ANKS4B: variants seen among roughly 807,000 people sequenced by gnomAD.
ANKS4B encodes ankyrin repeat and SAM domain-containing protein 4B.
Under a neutral mutation model 20.2 loss-of-function variants are expected in ANKS4B, and 21 were observed. The ratio of observed to expected loss-of-function variants is 1.04; its 90% CI spans 0.74 to 1.50. The LOEUF (loss-of-function observed/expected upper bound fraction) is 1.50. Ranked by LOEUF, ANKS4B falls within the 40% of genes most tolerant of loss-of-function variation. The pLI is 0.00. For synonymous variants in ANKS4B, 179 were observed against 194.5 expected, an observed-to-expected ratio of 0.92 and a Z score of 0.66; for missense variants, 473 against 494.6, an observed-to-expected ratio of 0.96 and a Z score of 0.41.
At chr16:21,237,113 C>T (rs12926970) in intron 1 of ANKS4B, among the ~76,000 whole-genome samples, 56,164 of 151,766 alleles carry the variant, frequency 0.37, 11,055 homozygotes, top group Admixed American at 0.49. Context: ...CTCCACCTCT[C>T]GGGTTTGAGC....
At chr16:21,237,081 C>T (rs538577472) in intron 1 of ANKS4B, among the ~76,000 whole-genome samples, 20 of 152,138 alleles carry the variant, frequency 1.3e-4, no homozygotes, top group African/African-American at 4.8e-4. Context: ...AGTGCAGTAG[C>T]GTGATCTTGG....
In ANKS4B at chr16:21,252,665, T is replaced by C. The variant is rs548439005; in HGVS notation, c.*1845T>C. 1.3e-5 allele frequency: 2 copies of C among 152,376 alleles called. No homozygotes were observed. The highest frequency in any genetic ancestry group is 3.9e-4 in the East Asian group (2 of 5,194). 9.4% of individuals were successfully genotyped at this position (152,376 alleles called of 1,614,324 possible). On this transcript the variant is annotated 3_prime_UTR_variant, in exon 2 of 2. Coordinates refer to ENST00000311620, the MANE Select transcript of ANKS4B (RefSeq NM_145865.3). ...AGGAAATTTCACATTTTCATGCTTATTATGTACACATGGTTTATTTACTGT... is the reference window on the plus strand; with the variant it reads ...AGGAAATTTCACATTTTCATGCTTACTATGTACACATGGTTTATTTACTGT...
chr16:21,249,717 T>C lies in ANKS4B; in HGVS notation c.165-14T>C, dbSNP rs781104530. On this transcript the variant is annotated splice_polypyrimidine_tract_variant and intron_variant, in intron 1 of 1. Coordinates refer to ENST00000311620, the MANE Select transcript of ANKS4B (RefSeq NM_145865.3). ...AAGTCCAACATGTATTTTTTTTCTCTCTCTCTCTTCTAGAGGGGACCCTGA... is the reference window on the plus strand; with the variant it reads ...AAGTCCAACATGTATTTTTTTTCTCCCTCTCTCTTCTAGAGGGGACCCTGA... 3 of 1,560,408 alleles carry C rather than the reference T, an allele frequency of 1.9e-6. No homozygotes were observed. The highest frequency in any genetic ancestry group is 2.6e-6 in the Non-Finnish European group (3 of 1,151,512).
chr16:21,245,496 CAG>C (rs777592954), intron 1 of ANKS4B, among the ~76,000 whole-genome samples: 10 of 151,780 alleles, frequency 6.6e-5, no homozygotes, highest in Non-Finnish European at 1.0e-4. Flanking sequence ...TTTTTTGAGA[CAG>C]AGTCTCACTT....
At chr16:21,240,583 C>T (rs2093325330) in intron 1 of ANKS4B, among the ~76,000 whole-genome samples, 1 of 151,962 alleles carries the variant, frequency 6.6e-6, no homozygotes, top group Non-Finnish European at 1.5e-5. Flanking sequence ...AAAATTATAC[C>T]AATTCCTACA....
At position 21,251,107 on chromosome 16, in the gene ANKS4B, G is replaced by GT; in HGVS notation, c.*291dup. 1 of 325,842 alleles carries GT rather than the reference G, an allele frequency of 3.1e-6. No homozygotes were observed. The allele number at this position is 325,842 out of a possible 1,614,324, so 20.2% of individuals were successfully genotyped here. ...TTTTGTGGTTGTTTTGTTTTGTTTT[G>GT]TTTTGTTTTTTGGAGATGAAGGTCT... On this transcript the variant is annotated 3_prime_UTR_variant, in exon 2 of 2. Transcript: ENST00000311620.
rs763993238 is a variant in ANKS4B, at chr16:21,250,064, C to T, written c.498C>T (p.Ser166=). The T allele has an allele frequency of 1.2e-6, 2 of 1,614,228 alleles. No homozygotes were observed. The highest frequency in any genetic ancestry group is 1.7e-6 in the Non-Finnish European group (2 of 1,180,044). ...AAAATAAGATGGCCCACACCTACAG[C>T]AAGGAGGAATCCGGGACTCTCTCTT... The part of the protein sequence containing the change: ...KHQNKMAHTY[S]KEESGTLSSS... Residue 166 remains serine, a synonymous_variant, in exon 2 of 2, where the codon AGC becomes AGT. Transcript: ENST00000311620.
intron 1 of ANKS4B, 69 bp downstream of exon 1, chr16:21,233,970 G>A: frequency 7.1e-7 from 1 of 1,417,312 alleles, no homozygotes; most frequent in Non-Finnish European, 9.7e-7. Flanking sequence ...AGCAGCAAGA[G>A]GCAGGGACGT....
Position 21,250,464 on chromosome 16 carries a change from A to G in ANKS4B, c.898A>G (p.Ser300Gly). The G allele has an allele frequency of 6.2e-7, 1 of 1,614,176 alleles. No homozygotes were observed. The highest frequency in any genetic ancestry group is 2.2e-5 in the East Asian group (1 of 44,874). Residue 300 changes from serine (S) to glycine (G), a missense_variant, in exon 2 of 2, where the codon AGT becomes GGT. Transcript: ENST00000311620. ...SKREFGFKLP[S>G]ELLQRQGASE... ...GAGAGAGTTTGGTTTTAAACTGCCCAGTGAATTGCTTCAAAGACAAGGAGC... is the reference window on the plus strand; with the variant it reads ...GAGAGAGTTTGGTTTTAAACTGCCCGGTGAATTGCTTCAAAGACAAGGAGC...
chr16:21,250,108 C>G lies in ANKS4B; in HGVS notation c.542C>G (p.Ser181Cys). 6.2e-7 allele frequency: 1 copy of G among 1,614,226 alleles called. No individual in the cohort carries two copies. ...CTCTCTTCTTCCAAGGGTACCTTCT[C>G]CAGATCATCCCCTTCAAATGCTTCT... is the stretch of plus-strand genomic sequence containing the variant. ...GTLSSSKGTF[S>C]RSSPSNASAP... is the part of the protein sequence containing the mutation. Residue 181 changes from serine to cysteine, a missense_variant, in exon 2 of 2, where the codon TCC (serine) becomes TGC (cysteine). Transcript: ENST00000311620.
chr16:21,249,634 C>A, intron 1 of ANKS4B, 97 bp from the exon 2 acceptor site: 10 of 1,332,372 alleles, frequency 7.5e-6, no homozygotes, highest in Non-Finnish European at 1.0e-5. Flanking sequence ...TTTGTATTAA[C>A]GTGCCTTTTG....
Position 21,243,090 on chromosome 16 carries a change from T to G in ANKS4B, c.165-6641T>G, listed in dbSNP as rs545348824. Reference sequence around the variant, plus strand: ...ATATTTCTTTTTATGCAGAAAAACGTTTTTGAAAGAATAGTTGAGAACTTC... The same window carrying G: ...ATATTTCTTTTTATGCAGAAAAACGGTTTTGAAAGAATAGTTGAGAACTTC... On this transcript the variant is annotated intron_variant, in intron 1 of 1. Transcript: ENST00000311620. Among the ~76,000 whole-genome samples, 4 of 152,286 alleles carry G rather than the reference T, an allele frequency of 2.6e-5. No individual in the cohort carries two copies. In the East Asian group the frequency reaches 5.8e-4, roughly 22 times the overall value.
At chr16:21,247,426 C>G (rs1195877789) in intron 1 of ANKS4B, among the ~76,000 whole-genome samples, 2 of 152,148 alleles carry the variant, frequency 1.3e-5, no homozygotes, top group Non-Finnish European at 2.9e-5. Context: ...CAGCCAGGAA[C>G]TAGTAGAATG....
At position 21,250,535 on chromosome 16, in the gene ANKS4B, C is replaced by T. The variant is rs372340424; in HGVS notation, c.969C>T (p.Asn323=). Reference sequence around the variant, plus strand: ...CAGCTGATGAAGAGGGAGAGGAAAACGGCCTCAAAGATGATCTGCCGTGGG... The same window carrying T: ...CAGCTGATGAAGAGGGAGAGGAAAATGGCCTCAAAGATGATCTGCCGTGGG... ...EGAADEEGEE[N]GLKDDLPWDD... is the part of the protein sequence containing the mutation. The change falls in exon 2 of 2, where the codon AAC becomes AAT. Residue 323 remains asparagine (N), a synonymous_variant. Transcript: ENST00000311620. 5.1e-5 allele frequency: 83 copies of T among 1,614,020 alleles called. No individual in the cohort carries two copies. Among genetic ancestry groups the T allele is most frequent in the Middle Eastern group, 1.6e-4 (1 of 6,084 alleles).
At chr16:21,234,893 A>C (rs2093318371) in intron 1 of ANKS4B, among the ~76,000 whole-genome samples, 1 of 152,106 alleles carries the variant, frequency 6.6e-6, no homozygotes, top group Admixed American at 6.6e-5. Flanking sequence ...TCTGTCACTC[A>C]GGCTGGAGTG....
chr16:21,241,095 G>T (rs2093326007), intron 1 of ANKS4B, among the ~76,000 whole-genome samples: 1 of 152,178 alleles, frequency 6.6e-6, no homozygotes, highest in Non-Finnish European at 1.5e-5. Context: ...CACCACGCCA[G>T]TTTCAACTTT....
intron 1 of ANKS4B, among the ~76,000 whole-genome samples, chr16:21,240,563 T>C (rs1265772101): frequency 6.6e-6 from 1 of 152,166 alleles, no homozygotes; most frequent in African/African-American, 2.4e-5. Flanking sequence ...TGAATAGAAT[T>C]GATAAAGTAA....
intron 1 of ANKS4B, among the ~76,000 whole-genome samples, chr16:21,249,199 C>T (rs1477422625): frequency 1.3e-5 from 2 of 152,190 alleles, no homozygotes; most frequent in Non-Finnish European, 2.9e-5. Flanking sequence ...AAAAAGGAGA[C>T]ACAGCCAGGC....
intron 1 of ANKS4B, chr16:21,244,178 C>G (rs1200370674): frequency 6.6e-6 from 1 of 151,668 alleles, no homozygotes; most frequent in Non-Finnish European, 1.5e-5. Flanking sequence ...AAACCAAACA[C>G]TGCATGTTCT....
Sources: gnomAD v4.1 joint callset for allele counts (sites outside exome capture counted in the v4.1 genomes callset) on GRCh38, gnomAD v4.1.1 for gene constraint, MANE v1.5 for transcripts, NCBI Gene and HGNC (gene_info 2026-07-23, HGNC 2026-07-21) for gene names.